Variants in PTPRT observed in about 807,000 individuals in gnomAD.
The protein encoded by PTPRT is protein tyrosine phosphatase receptor type T.
A neutral mutation model predicts 176.8 loss-of-function variants in PTPRT; 56 were observed. That is an observed-to-expected ratio of 0.32 (90% CI 0.26 to 0.40). The LOEUF (loss-of-function observed/expected upper bound fraction) is 0.40, where lower values mean the gene tolerates loss of function less well. Ranked by LOEUF, PTPRT falls within the 10% of genes least tolerant of loss-of-function variation. The pLI is 1.00. For synonymous variants in PTPRT, 783 were observed against 739.0 expected (o/e 1.06, Z -0.96); for missense variants, 1,540 against 1,908.2 (o/e 0.81, Z 3.60).
At chr20:42,275,648 A>G (rs763261146) in intron 13 of PTPRT, among the ~76,000 whole-genome samples, 12 of 152,196 alleles carry the variant, frequency 7.9e-5, no homozygotes, top group Non-Finnish European at 1.8e-4. Flanking sequence ...CTGTTGTAGC[A>G]AGAAAAATAT....
chr20:42,317,817 A>C (rs1008608494), intron 11 of PTPRT, among the ~76,000 whole-genome samples: 2 of 152,228 alleles, frequency 1.3e-5, no homozygotes, highest in African/African-American at 4.8e-5. Context: ...GCATATGAGT[A>C]TATGCCACAC....
At chr20:42,052,798 C>T in the PTPRT span, among the ~76,000 whole-genome samples, 1 of 152,100 alleles carries the variant, frequency 6.6e-6, no homozygotes, top group Non-Finnish European at 1.5e-5. Context: ...GCTGGAGCTC[C>T]CTTGCTTTCC....
intron 1 of PTPRT, among the ~76,000 whole-genome samples, chr20:42,951,644 G>T (rs1407863667): frequency 1.3e-5 from 2 of 152,190 alleles, no homozygotes; most frequent in South Asian, 2.1e-4. Context: ...AATAAGAGTG[G>T]GTGCAGGGAG....
chr20:42,214,177 C>T (rs2146754546), intron 15 of PTPRT, among the ~76,000 whole-genome samples: 1 of 152,274 alleles, frequency 6.6e-6, no homozygotes, highest in East Asian at 1.9e-4. Context: ...TCCAGTCAGG[C>T]TTCTAAATGT....
intron 8 of PTPRT, among the ~76,000 whole-genome samples, chr20:42,462,943 C>A (rs6093647): frequency 0.028 from 4,196 of 152,140 alleles, 176 homozygotes; most frequent in African/African-American, 0.096. Flanking sequence ...GTGGATGAAG[C>A]CTGGATATAG....
At chr20:42,309,988 G>C (rs564636195) in intron 12 of PTPRT, among the ~76,000 whole-genome samples, 1 of 152,238 alleles carries the variant, frequency 6.6e-6, no homozygotes, top group Non-Finnish European at 1.5e-5. Context: ...AATATGGTTG[G>C]ACTCTTCTCT....
intron 7 of PTPRT, among the ~76,000 whole-genome samples, chr20:42,645,452 C>T (rs1423317609): frequency 6.6e-6 from 1 of 152,134 alleles, no homozygotes. Context: ...TTAACACACC[C>T]TTCATTGGTC....
intron 13 of PTPRT, among the ~76,000 whole-genome samples, chr20:42,266,904 A>T (rs1001872428): frequency 3.3e-5 from 5 of 152,218 alleles, no homozygotes; most frequent in African/African-American, 1.2e-4. Flanking sequence ...GAATTTAAAA[A>T]TTTATTTTAT....
chr20:42,589,819 A>G (rs2073537398), intron 7 of PTPRT, among the ~76,000 whole-genome samples: 1 of 152,138 alleles, frequency 6.6e-6, no homozygotes, highest in South Asian at 2.1e-4. Context: ...TTTATCTTAA[A>G]TCATGCATTT....
intron 16 of PTPRT, among the ~76,000 whole-genome samples, chr20:42,186,569 C>A (rs1403778664): frequency 1.2e-4 from 18 of 151,788 alleles, no homozygotes. Context: ...GATGAGAGAG[C>A]CTGGGGAAGG....
intron 1 of PTPRT, among the ~76,000 whole-genome samples, chr20:42,975,721 G>T (rs1982906875): frequency 6.6e-6 from 1 of 152,130 alleles, no homozygotes; most frequent in Non-Finnish European, 1.5e-5. Context: ...GGAGGCTATA[G>T]ATGGGTGGGA....
At chr20:42,999,612 T>TGTTG (rs199881893) in intron 1 of PTPRT, among the ~76,000 whole-genome samples, 6,228 of 141,834 alleles carry the variant, frequency 0.044, 208 homozygotes, top group Middle Eastern at 0.11. Context: ...TTGTGGTTTT[T>TGTTG]TTTTTGTTGT....
At chr20:43,058,567 A>C (rs1987331961) in intron 1 of PTPRT, among the ~76,000 whole-genome samples, 1 of 152,212 alleles carries the variant, frequency 6.6e-6, no homozygotes, top group South Asian at 2.1e-4. Context: ...TAACTGCTCT[A>C]ATTGCTCAGA....
chr20:43,183,931 T>G (rs2015326974), intron 1 of PTPRT, among the ~76,000 whole-genome samples: 1 of 152,256 alleles, frequency 6.6e-6, no homozygotes, highest in Admixed American at 6.5e-5. Flanking sequence ...TTTTCAGGTT[T>G]TGGCTTCTGT....
At chr20:43,135,859 G>C (rs2013816138) in intron 1 of PTPRT, among the ~76,000 whole-genome samples, 1 of 152,154 alleles carries the variant, frequency 6.6e-6, no homozygotes, top group Non-Finnish European at 1.5e-5. Context: ...AATTCCACTT[G>C]ATCTCCCCTG....
At chr20:42,931,482 G>A (rs1160434367) in intron 1 of PTPRT, among the ~76,000 whole-genome samples, 1 of 152,208 alleles carries the variant, frequency 6.6e-6, no homozygotes, top group Non-Finnish European at 1.5e-5. Flanking sequence ...AGCACAAGGT[G>A]GGAGCCACTG....
At chr20:42,292,910 C>A (rs184002812) in intron 12 of PTPRT, among the ~76,000 whole-genome samples, 72 of 152,296 alleles carry the variant, frequency 4.7e-4, no homozygotes, top group Non-Finnish European at 8.4e-4. Context: ...AGCAGTGGGG[C>A]ACTTGAGTGC....
At chr20:42,288,251 ACTT>A (rs1382425123) in intron 12 of PTPRT, among the ~76,000 whole-genome samples, 2 of 151,988 alleles carry the variant, frequency 1.3e-5, no homozygotes, top group Non-Finnish European at 2.9e-5. Context: ...TCTTCTGGTC[ACTT>A]CTTCTCTGCA....
intron 7 of PTPRT, among the ~76,000 whole-genome samples, chr20:42,653,803 C>G (rs188048427): frequency 1.7e-4 from 26 of 152,336 alleles, no homozygotes; most frequent in Admixed American, 1.4e-3. Flanking sequence ...GCGAGGAAAA[C>G]TAACCCACAG....
Sources: allele counts gnomAD v4.1 joint callset (sites outside exome capture counted in the v4.1 genomes callset), GRCh38; gene constraint gnomAD v4.1.1; transcripts MANE v1.5; gene names NCBI Gene and HGNC (gene_info 2026-07-23, HGNC 2026-07-21).